The following ITGBL1 variants were observed in gnomAD, a reference collection of about 807,000 sequenced individuals.
ITGBL1 encodes integrin beta-like protein 1.
In ITGBL1, 51 loss-of-function variants were observed where a neutral mutation model predicts 68.5. The observed-to-expected ratio is 0.74, with a 90% confidence interval of 0.59 to 0.94. The LOEUF (loss-of-function observed/expected upper bound fraction) is 0.94, where lower values mean the gene tolerates loss of function less well. Ranked by LOEUF, ITGBL1 falls within the 40% of genes least tolerant of loss-of-function variation. The pLI is 0.00. For missense variants in ITGBL1, 649 were observed against 647.4 expected (o/e 1.00, Z -0.03); for synonymous variants, 209 against 227.3 (o/e 0.92, Z 0.72).
In ITGBL1 at chr13:101,692,773, C is replaced by G. The variant is rs532472390; in HGVS notation, c.1132+72C>G. 27 of 937,092 alleles carry G rather than the reference C, an allele frequency of 2.9e-5. No homozygotes were observed. The South Asian group carries it at 3.1e-4, about 11-fold the overall frequency. The allele number at this position is 937,092 out of a possible 1,614,324, so 58.0% of individuals were successfully genotyped here. ...TTACCTGCCTTTGTTATTCTACTGA[C>G]TCTTGCTTTTTCAATTGCTGTTAAA... On this transcript the variant is annotated intron_variant, in intron 8 of 10. Coordinates refer to ENST00000376180, the MANE Select transcript of ITGBL1 (RefSeq NM_004791.3).
intron 2 of ITGBL1, among the ~76,000 whole-genome samples, chr13:101,503,548 G>A (rs2048977370): frequency 6.6e-6 from 1 of 152,106 alleles, no homozygotes; most frequent in Non-Finnish European, 1.5e-5. Flanking sequence ...GTTTGTTCAT[G>A]GTTATTAGAG....
At chr13:101,473,867 G>T (rs2048498069) in intron 2 of ITGBL1, among the ~76,000 whole-genome samples, 1 of 152,154 alleles carries the variant, frequency 6.6e-6, no homozygotes, top group African/African-American at 2.4e-5. Context: ...ACCTTGAAGA[G>T]AAGGACCCAG....
intron 7 of ITGBL1, among the ~76,000 whole-genome samples, chr13:101,614,699 G>T (rs751279163): frequency 6.6e-6 from 1 of 152,084 alleles, no homozygotes; most frequent in Non-Finnish European, 1.5e-5. Context: ...GAAGTGAGGC[G>T]CATGCTCAGG....
At chr13:101,535,104 A>G (rs1486683054) in intron 2 of ITGBL1, among the ~76,000 whole-genome samples, 1 of 152,116 alleles carries the variant, frequency 6.6e-6, no homozygotes, top group Non-Finnish European at 1.5e-5. Context: ...AATTGACCCC[A>G]GAAAGAGGCT....
intron 2 of ITGBL1, among the ~76,000 whole-genome samples, chr13:101,481,028 G>GTGTA (rs1555353312): frequency 1.7e-4 from 26 of 149,544 alleles, no homozygotes; most frequent in African/African-American, 5.9e-4. Context: ...GTGTGTGTGT[G>GTGTA]TGTGTGTGTA....
intron 7 of ITGBL1, among the ~76,000 whole-genome samples, chr13:101,689,064 G>A (rs919637828): frequency 2.6e-5 from 4 of 151,162 alleles, no homozygotes; most frequent in Non-Finnish European, 4.4e-5. Context: ...AATCATCTGG[G>A]TGTGGTGGCG....
chr13:101,541,732 A>G (rs1379771594), intron 2 of ITGBL1, among the ~76,000 whole-genome samples: 1 of 151,952 alleles, frequency 6.6e-6, no homozygotes, highest in African/African-American at 2.4e-5. Flanking sequence ...TCAATTTCAG[A>G]GCCTATTATT....
At chr13:101,545,350 AAC>A (rs1233361117) in intron 2 of ITGBL1, among the ~76,000 whole-genome samples, 6 of 152,352 alleles carry the variant, frequency 3.9e-5, no homozygotes, top group African/African-American at 1.4e-4. Flanking sequence ...GGGAACAAGA[AAC>A]ACAGGCTTAA....
chr13:101,616,652 G>A (rs866353115), intron 7 of ITGBL1, among the ~76,000 whole-genome samples: 7 of 152,088 alleles, frequency 4.6e-5, no homozygotes, highest in Middle Eastern at 3.4e-3. Context: ...CACCATGCCC[G>A]GCTAATTTTT....
chr13:101,521,703 A>T (rs2049287723), intron 2 of ITGBL1, among the ~76,000 whole-genome samples: 1 of 152,156 alleles, frequency 6.6e-6, no homozygotes, highest in Admixed American at 6.6e-5. Flanking sequence ...TGTGATTCCC[A>T]CAGGAGTGCC....
intron 2 of ITGBL1, among the ~76,000 whole-genome samples, chr13:101,454,399 TCCCCC>T (rs10524609): frequency 0.15 from 20,003 of 135,680 alleles, 2,276 homozygotes; most frequent in African/African-American, 0.28. Flanking sequence ...CCCTGGCTGG[TCCCCC>T]CCCCCCCCCC....
intron 2 of ITGBL1, among the ~76,000 whole-genome samples, chr13:101,508,822 A>G (rs2049067361): frequency 6.6e-6 from 1 of 152,130 alleles, no homozygotes; most frequent in Admixed American, 6.6e-5. Context: ...TCAATATTTC[A>G]ACTCTTTGAG....
At chr13:101,714,582 T>C (rs763648529) in intron 10 of ITGBL1, 31 bp downstream of exon 10, 2 of 1,283,542 alleles carry the variant, frequency 1.6e-6, no homozygotes, top group East Asian at 2.3e-5. Context: ...AATTGCTCTA[T>C]GCCACAGTTT....
chr13:101,674,002 A>G (rs960122718), intron 7 of ITGBL1, among the ~76,000 whole-genome samples: 12 of 152,220 alleles, frequency 7.9e-5, no homozygotes, highest in African/African-American at 2.9e-4. Flanking sequence ...ACGTATTTTG[A>G]TCAAAAGGGG....
Position 101,452,932 on chromosome 13 carries a change from G to C in ITGBL1, c.98+1G>C. ...CTCAAAGCTTCTCGCCATCTCTGAG[G>C]TAAGTTTGGTTTGTTATTCTTCAGT... On this transcript the variant is annotated splice_donor_variant, in intron 1 of 10. Coordinates refer to ENST00000376180, the MANE Select transcript of ITGBL1 (RefSeq NM_004791.3). LOFTEE classifies it high-confidence loss of function. 2 of 1,613,842 alleles carry C rather than the reference G, an allele frequency of 1.2e-6. No individual in the cohort carries two copies. The highest frequency in any genetic ancestry group is 1.3e-5 in the African/African-American group (1 of 75,048).
intron 7 of ITGBL1, among the ~76,000 whole-genome samples, chr13:101,666,355 C>G (rs956272605): frequency 1.3e-5 from 2 of 152,038 alleles, no homozygotes; most frequent in South Asian, 2.1e-4. Flanking sequence ...GACTTGGGAC[C>G]GCACTGGTTT....
chr13:101,629,721 G>A (rs191133301), intron 7 of ITGBL1, among the ~76,000 whole-genome samples: 30 of 152,022 alleles, frequency 2.0e-4, no homozygotes, highest in African/African-American at 5.3e-4. Context: ...TTGTATAACC[G>A]TATTTATAGT....
At chr13:101,514,416 A>G (rs2049163701) in intron 2 of ITGBL1, among the ~76,000 whole-genome samples, 1 of 152,114 alleles carries the variant, frequency 6.6e-6, no homozygotes, top group Non-Finnish European at 1.5e-5. Context: ...CTTCTAAGTC[A>G]CAAAGGTGCT....
chr13:101,541,913 A>G (rs1369656079), intron 2 of ITGBL1, among the ~76,000 whole-genome samples: 4 of 152,048 alleles, frequency 2.6e-5, no homozygotes, highest in Non-Finnish European at 4.4e-5. Context: ...CCCCTTTATC[A>G]TTTTTTATTG....
Sources: allele counts gnomAD v4.1 joint callset (sites outside exome capture counted in the v4.1 genomes callset), GRCh38; gene constraint gnomAD v4.1.1; transcripts MANE v1.5; gene names NCBI Gene and HGNC (gene_info 2026-07-23, HGNC 2026-07-21).